RPSA2: variants seen among roughly 807,000 people sequenced by gnomAD.
RPSA2 encodes small ribosomal subunit protein uS2B.
At chr19:23,791,475 C>T in the RPSA2 span, among the ~76,000 whole-genome samples, 13 of 152,238 alleles carry the variant, frequency 8.5e-5, no homozygotes, top group East Asian at 2.3e-3. Context: ...GGACTAGAGC[C>T]ACCTCAGTCT....
the RPSA2 span, among the ~76,000 whole-genome samples, chr19:23,826,295 C>T: frequency 6.6e-6 from 1 of 151,696 alleles, no homozygotes; most frequent in Non-Finnish European, 1.5e-5. Flanking sequence ...CGGGTTCAAG[C>T]AATTCTCACG....
chr19:23,833,256 T>A, the RPSA2 span: 1 of 986,764 alleles, frequency 1.0e-6, no homozygotes. Context: ...CTTTAATCCT[T>A]ACAACTTAAT....
At chr19:23,853,260 A>G in the RPSA2 span, among the ~76,000 whole-genome samples, 1 of 152,266 alleles carries the variant, frequency 6.6e-6, no homozygotes, top group Non-Finnish European at 1.5e-5. Flanking sequence ...ATTCTTAGGT[A>G]TTAAAGCAGG....
At chr19:23,799,674 GGTAC>G in the RPSA2 span, among the ~76,000 whole-genome samples, 2 of 69,874 alleles carry the variant, frequency 2.9e-5, 1 homozygote, top group African/African-American at 9.9e-5. Context: ...GGAGGAGAGA[GGTAC>G]TGCTTTAAAA....
chr19:23,772,392 A>T, the RPSA2 span, among the ~76,000 whole-genome samples: 1 of 152,158 alleles, frequency 6.6e-6, no homozygotes, highest in South Asian at 2.1e-4. Context: ...ATCCCAGGTG[A>T]TGTGACTCTC....
the RPSA2 span, among the ~76,000 whole-genome samples, chr19:23,773,021 G>C: frequency 2.6e-5 from 4 of 152,008 alleles, no homozygotes; most frequent in African/African-American, 9.7e-5. Context: ...ATTGAGTTGA[G>C]ATCGTGCCAC....
At chr19:23,847,494 G>C in the RPSA2 span, among the ~76,000 whole-genome samples, 2 of 152,132 alleles carry the variant, frequency 1.3e-5, no homozygotes, top group African/African-American at 4.8e-5. Flanking sequence ...CACAAAACCA[G>C]CAGGTTTTTA....
the RPSA2 span, among the ~76,000 whole-genome samples, chr19:23,852,453 A>C: frequency 5.9e-5 from 9 of 152,212 alleles, no homozygotes; most frequent in African/African-American, 2.2e-4. Context: ...CGTATTTACT[A>C]ACAGCAAACC....
At chr19:23,800,309 G>C in the RPSA2 span, among the ~76,000 whole-genome samples, 1 of 151,720 alleles carries the variant, frequency 6.6e-6, no homozygotes, top group Admixed American at 6.6e-5. Flanking sequence ...CCCAAAGCTG[G>C]GATTACTGGT....
chr19:23,839,029 C>A, the RPSA2 span, among the ~76,000 whole-genome samples: 5 of 151,600 alleles, frequency 3.3e-5, no homozygotes, highest in African/African-American at 1.2e-4. Flanking sequence ...TCTCTAGTTC[C>A]TTGTCTGTCT....
the RPSA2 span, among the ~76,000 whole-genome samples, chr19:23,806,988 G>A: frequency 6.6e-6 from 1 of 152,064 alleles, no homozygotes; most frequent in Non-Finnish European, 1.5e-5. Flanking sequence ...TAGTGATGCT[G>A]TGTCCTTCTG....
chr19:23,829,083 G>A, the RPSA2 span, among the ~76,000 whole-genome samples: 1 of 152,066 alleles, frequency 6.6e-6, no homozygotes, highest in Non-Finnish European at 1.5e-5. Flanking sequence ...TCTGACTTAA[G>A]ATGTAGCTTG....
the RPSA2 span, among the ~76,000 whole-genome samples, chr19:23,791,230 A>T: frequency 2.0e-5 from 3 of 152,078 alleles, no homozygotes; most frequent in Non-Finnish European, 4.4e-5. Context: ...CGAACTCCTG[A>T]CCTCAGGTGA....
chr19:23,853,547 C>T, the RPSA2 span, among the ~76,000 whole-genome samples: 1 of 152,156 alleles, frequency 6.6e-6, no homozygotes, highest in Non-Finnish European at 1.5e-5. Context: ...CATTGGCTGC[C>T]ATTAAAAGGG....
chr19:23,833,302 C>A, the RPSA2 span: 4 of 643,104 alleles, frequency 6.2e-6, no homozygotes, highest in Non-Finnish European at 8.1e-6. Flanking sequence ...AGAAATATTA[C>A]AAGTGTGAAT....
chr19:23,792,152 CTG>C, the RPSA2 span, among the ~76,000 whole-genome samples: 10 of 152,188 alleles, frequency 6.6e-5, no homozygotes, highest in African/African-American at 2.4e-4. Context: ...TATGTGAACA[CTG>C]TGTTTGAGTA....
the RPSA2 span, among the ~76,000 whole-genome samples, chr19:23,865,803 C>T: frequency 1.3e-5 from 2 of 152,154 alleles, no homozygotes; most frequent in African/African-American, 4.8e-5. Context: ...ACATTTTTGA[C>T]ATGAACACAC....
the RPSA2 span, among the ~76,000 whole-genome samples, chr19:23,842,309 T>C: frequency 6.6e-6 from 1 of 152,340 alleles, no homozygotes; most frequent in East Asian, 1.9e-4. Context: ...ATAAGTTCTA[T>C]GCCGTGTTAT....
the RPSA2 span, among the ~76,000 whole-genome samples, chr19:23,838,979 CT>C: frequency 2.0e-5 from 3 of 151,642 alleles, no homozygotes; most frequent in East Asian, 1.9e-4. Context: ...TGATTATTTC[CT>C]TTTTTTTCTG....
Sources: gnomAD v4.1 joint callset for allele counts (sites outside exome capture counted in the v4.1 genomes callset) on GRCh38, gnomAD v4.1.1 for gene constraint, MANE v1.5 for transcripts, NCBI Gene and HGNC (gene_info 2026-07-23, HGNC 2026-07-21) for gene names.